SETMAR: variants seen among roughly 807,000 people sequenced by gnomAD.
SETMAR encodes SET and mariner transposase domain methyltransferase, also known as histone-lysine N-methyltransferase SETMAR.
SETMAR carries 44 observed loss-of-function variants against 58.4 expected under a neutral mutation model. That is an observed-to-expected ratio of 0.75 (90% CI 0.59 to 0.97). The LOEUF (loss-of-function observed/expected upper bound fraction) is 0.97, where lower values mean the gene tolerates loss of function less well. Among genes scored for constraint, SETMAR ranks in the 50% least tolerant of loss-of-function variants. The pLI is 0.00. For synonymous variants in SETMAR, 332 were observed against 307.4 expected (o/e 1.08, Z -0.84); for missense variants, 903 against 840.2 (o/e 1.07, Z -0.92).
rs1159988452 is a variant in SETMAR, at chr3:4,317,202, C to T, written c.2011C>T (p.Arg671Cys). The change falls in exon 3 of 3, where the codon CGT becomes TGT. Residue 671 changes from arginine to cysteine, a missense_variant. Coordinates refer to ENST00000358065, the MANE Select transcript of SETMAR (RefSeq NM_006515.4). ...TACAGGAATAAACCAACTTATTTCTCGTTGGCAAAAATGTGTTGATTGTAA... is the reference window on the plus strand; with the variant it reads ...TACAGGAATAAACCAACTTATTTCTTGTTGGCAAAAATGTGTTGATTGTAA... ...YATGINQLIS[R>C]WQKCVDCNGS... 2.6e-6 allele frequency: 4 copies of T among 1,547,960 alleles called. No individual in the cohort carries two copies. The highest frequency in any genetic ancestry group is 1.2e-5 in the South Asian group (1 of 83,900).
intron 1 of SETMAR, among the ~76,000 whole-genome samples, chr3:4,307,297 G>C (rs1019109328): frequency 6.6e-6 from 1 of 152,170 alleles, no homozygotes; most frequent in Non-Finnish European, 1.5e-5. Context: ...ATCGAAAAAT[G>C]CTTCTTGAGC....
In SETMAR at chr3:4,312,956, T is replaced by C. The variant is rs1324077132; in HGVS notation, c.215T>C (p.Phe72Ser). The C allele has an allele frequency of 1.2e-6, 2 of 1,613,956 alleles. No individual in the cohort carries two copies. The highest frequency in any genetic ancestry group is 8.5e-7 in the Non-Finnish European group (1 of 1,179,894). ...GADIDPTQIT[F>S]PGCICVKTPC... ...GACATTGATCCCACTCAAATAACCTTTCCCGGATGCATTTGTGTCAAAACT... is the reference window on the plus strand; with the variant it reads ...GACATTGATCCCACTCAAATAACCTCTCCCGGATGCATTTGTGTCAAAACT... The change falls in exon 2 of 3, where the codon TTT (phenylalanine) becomes TCT (serine). Residue 72 changes from phenylalanine (F) to serine (S), a missense_variant. By Grantham distance (155) the Phe-to-Ser change is radical. Coordinates refer to ENST00000358065, the MANE Select transcript of SETMAR (RefSeq NM_006515.4).
rs1165732929 is a variant in SETMAR, at chr3:4,313,211, A to G, written c.470A>G (p.Glu157Gly). Residue 157 changes from glutamate to glycine, a missense_variant, in exon 2 of 3, where the codon GAA becomes GGA. Glu to Gly is a moderately conservative substitution (Grantham distance 98). Coordinates refer to ENST00000358065, the MANE Select transcript of SETMAR (RefSeq NM_006515.4). ...AAAGGCTGGGGACTTCGTACCTTGG[A>G]ATTTATACCGAAAGGAAGGTTTGTC... is the stretch of plus-strand genomic sequence containing the variant. ...HKKGWGLRTL[E>G]FIPKGRFVCE... 1 of 1,613,836 alleles carries G rather than the reference A, an allele frequency of 6.2e-7. No individual in the cohort carries two copies. The highest frequency in any genetic ancestry group is 8.5e-7 in the Non-Finnish European group (1 of 1,179,992).
intron 1 of SETMAR, among the ~76,000 whole-genome samples, chr3:4,311,506 G>T (rs1263385856): frequency 6.6e-6 from 1 of 152,130 alleles, no homozygotes; most frequent in East Asian, 1.9e-4. Flanking sequence ...ACTGCTTCCT[G>T]GAAAAGAATG....
rs780707877 is a variant in SETMAR, at chr3:4,303,438, C to G, written c.68C>G (p.Ala23Gly). ...GCGGAGTTTAAGGAGAAGCCTGAGG[C>G]CCCGACTGAGCAGCTGGATGTCGCG... ...GMAEFKEKPE[A>G]PTEQLDVACG... The change falls in exon 1 of 3, where the codon GCC becomes GGC. Residue 23 changes from alanine (A) to glycine (G), a missense_variant. Transcript: ENST00000358065. 31 of 1,551,962 alleles carry G rather than the reference C, an allele frequency of 2.0e-5. No homozygotes were observed. The highest frequency in any genetic ancestry group is 2.8e-5 in the African/African-American group (2 of 70,350).
At position 4,303,370 on chromosome 3, in the gene SETMAR, AATGTTC is replaced by A; in HGVS notation, c.1_6del (p.MetPhe1_?2). 6.5e-7 allele frequency: 1 copy of A among 1,546,666 alleles called. No individual in the cohort carries two copies. Among genetic ancestry groups the A allele is most frequent in the African/African-American group, 1.4e-5 (1 of 70,370 alleles). On this transcript the variant is annotated start_lost and inframe_deletion, in exon 1 of 3. Transcript: ENST00000358065. ...TAGTGGGCGTTGCGTGAGGCGGGTA[AATGTTC>A]GCGGAAGCGGCAAAGACGACACGGC...
Position 4,316,630 on chromosome 3 carries a change from T to C in SETMAR, c.1439T>C (p.Ile480Thr). 1.3e-6 allele frequency: 2 copies of C among 1,551,286 alleles called. No homozygotes were observed. Among genetic ancestry groups the C allele is most frequent in the Non-Finnish European group, 1.7e-6 (2 of 1,146,756 alleles). Residue 480 changes from isoleucine (I) to threonine (T), a missense_variant, in exon 3 of 3, where the codon ATT becomes ACT. Ile to Thr is a moderately conservative substitution (Grantham distance 89). Coordinates refer to ENST00000358065, the MANE Select transcript of SETMAR (RefSeq NM_006515.4). ...NRRFEVSSSL[I>T]LRNHNEPFLD... Reference sequence around the variant, plus strand: ...CGTTTTGAAGTGTCATCTTCTCTTATTCTACGCAACCACAACGAACCATTT... The same window carrying C: ...CGTTTTGAAGTGTCATCTTCTCTTACTCTACGCAACCACAACGAACCATTT...
rs777820934 is a variant in SETMAR, at chr3:4,313,502, CAGA to C, written c.769_771del (p.Glu257del). ...CTTTTTGCAGCCAAAGATATTGTGC[CAGA>C]AGAAGAACTCTCTTATGATTATTCA... On this transcript the variant is annotated inframe_deletion, in exon 2 of 3. Coordinates refer to ENST00000358065, the MANE Select transcript of SETMAR (RefSeq NM_006515.4). 98 of 1,613,730 alleles carry C rather than the reference CAGA, an allele frequency of 6.1e-5. 1 individual carries two copies. The highest frequency in any genetic ancestry group is 4.7e-4 in the Admixed American group (28 of 59,940).
chr3:4,310,689 TA>T lies in SETMAR; in HGVS notation c.157-2207del, dbSNP rs1243430707. Among the ~76,000 whole-genome samples the T allele has an allele frequency of 1.9e-4, 29 of 152,304 alleles. No individual in the cohort carries two copies. The East Asian group carries it at 5.6e-3, about 29-fold the overall frequency. On this transcript the variant is annotated intron_variant, in intron 1 of 2. Coordinates refer to ENST00000358065, the MANE Select transcript of SETMAR (RefSeq NM_006515.4). Reference sequence around the variant, plus strand: ...ATTCTTCAAAATCTTTTTAAATTTGTAAGTAAAAATAACGAAATAAAACTGT... The same window carrying T: ...ATTCTTCAAAATCTTTTTAAATTTGTAGTAAAAATAACGAAATAAAACTGT...
chr3:4,315,863 A>C (rs1449684822), intron 2 of SETMAR, among the ~76,000 whole-genome samples: 2 of 152,166 alleles, frequency 1.3e-5, no homozygotes, highest in East Asian at 3.9e-4. Context: ...CCTGGCCAAC[A>C]TGGTGAAACC....
Position 4,312,716 on chromosome 3 carries a change from A to C in SETMAR, c.157-182A>C, listed in dbSNP as rs542476718. On this transcript the variant is annotated intron_variant, in intron 1 of 2. Coordinates refer to ENST00000358065, the MANE Select transcript of SETMAR (RefSeq NM_006515.4). ...GACCCTGTCTCTTAAAAAAAAAAAA[A>C]AAAAACTTGTTTTATTGAAGAGAGA... Among the ~76,000 whole-genome samples the C allele has an allele frequency of 4.0e-5, 6 of 151,744 alleles. No individual in the cohort carries two copies. The South Asian group carries it at 8.4e-4, about 21-fold the overall frequency.
intron 1 of SETMAR, among the ~76,000 whole-genome samples, chr3:4,307,340 C>A (rs935623825): frequency 2.0e-5 from 3 of 152,138 alleles, no homozygotes; most frequent in Admixed American, 2.0e-4. Context: ...TGGATAGGAA[C>A]CCCACCCCCA....
chr3:4,313,205 C>G lies in SETMAR; in HGVS notation c.464C>G (p.Thr155Ser). 6.2e-7 allele frequency: 1 copy of G among 1,613,932 alleles called. No individual in the cohort carries two copies. The highest frequency in any genetic ancestry group is 8.5e-7 in the Non-Finnish European group (1 of 1,179,980). The change falls in exon 2 of 3, where the codon ACC becomes AGC. Residue 155 changes from threonine (T) to serine (S), a missense_variant. Coordinates refer to ENST00000358065, the MANE Select transcript of SETMAR (RefSeq NM_006515.4). ...KTHKKGWGLR[T>S]LEFIPKGRFV... Reference sequence around the variant, plus strand: ...CATAAAAAAGGCTGGGGACTTCGTACCTTGGAATTTATACCGAAAGGAAGG... The same window carrying G: ...CATAAAAAAGGCTGGGGACTTCGTAGCTTGGAATTTATACCGAAAGGAAGG...
At chr3:4,309,552 C>T (rs576962296) in intron 1 of SETMAR, among the ~76,000 whole-genome samples, 54 of 152,190 alleles carry the variant, frequency 3.5e-4, no homozygotes, top group Non-Finnish European at 7.1e-4. Context: ...CAGAAAAGTC[C>T]AAGTGGTAAC....
At chr3:4,312,714 A>AC (rs1038804207) in intron 1 of SETMAR, among the ~76,000 whole-genome samples, 184 bp from the exon 2 acceptor site, 157 of 151,708 alleles carry the variant, frequency 1.0e-3, no homozygotes, top group African/African-American at 3.6e-3. Context: ...AAAAAAAAAA[A>AC]AAAAAAACTT....
rs902789283 is a variant in SETMAR, at chr3:4,303,792, C to A, written c.156+266C>A. 1.1e-5 allele frequency: 15 copies of A among 1,419,246 alleles called. No homozygotes were observed. In the African/African-American group the frequency reaches 2.2e-4, roughly 20 times the overall value. 87.9% of individuals were successfully genotyped at this position (1,419,246 alleles called of 1,614,324 possible). A position where few individuals can be genotyped will look rare whatever the true frequency, so the allele number is the denominator to read the frequency against. ...GCCTTGTGAGAACCTGGCTTTTTGT[C>A]CAGTCCTGTCCTCAGAACTCAAGGA... On this transcript the variant is annotated intron_variant, in intron 1 of 2. Coordinates refer to ENST00000358065, the MANE Select transcript of SETMAR (RefSeq NM_006515.4).
chr3:4,315,066 A>G (rs1439666637), intron 2 of SETMAR, among the ~76,000 whole-genome samples: 1 of 152,194 alleles, frequency 6.6e-6, no homozygotes, highest in African/African-American at 2.4e-5. Context: ...ATAACATTAC[A>G]TGGAATGGTT....
chr3:4,311,491 A>G (rs1481768400), intron 1 of SETMAR, among the ~76,000 whole-genome samples: 1 of 152,220 alleles, frequency 6.6e-6, no homozygotes, highest in Non-Finnish European at 1.5e-5. Flanking sequence ...AAAACAGCCC[A>G]TGAAACTGCT....
intron 2 of SETMAR, 130 bp from the exon 3 acceptor site, chr3:4,316,082 C>A: frequency 2.1e-6 from 1 of 479,334 alleles, no homozygotes; most frequent in Non-Finnish European, 3.7e-6. Context: ...ACAGTTTTTG[C>A]ATTGTTGGAA....
Sources: gnomAD v4.1 joint callset for allele counts (sites outside exome capture counted in the v4.1 genomes callset) on GRCh38, gnomAD v4.1.1 for gene constraint, MANE v1.5 for transcripts, NCBI Gene and HGNC (gene_info 2026-07-23, HGNC 2026-07-21) for gene names.